The following CNTN5 variants were observed in gnomAD, a reference collection of about 807,000 sequenced individuals.
The protein encoded by CNTN5 is contactin-5.
A neutral mutation model predicts 129.1 loss-of-function variants in CNTN5; 77 were observed. That is an observed-to-expected ratio of 0.60 (90% CI 0.50 to 0.72). The LOEUF is 0.72. Among genes scored for constraint, CNTN5 ranks in the 30% least tolerant of loss-of-function variants. The pLI, the probability that CNTN5 is intolerant of heterozygous loss-of-function variation, is 0.00. For synonymous variants in CNTN5, 509 were observed against 465.6 expected (o/e 1.09, Z -1.20); for missense variants, 1,478 against 1,328.8 (o/e 1.11, Z -1.75).
At chr11:99,483,295 C>G (rs1352584227) in intron 2 of CNTN5, among the ~76,000 whole-genome samples, 2 of 150,872 alleles carry the variant, frequency 1.3e-5, no homozygotes, top group African/African-American at 2.4e-5. Flanking sequence ...TGACCTTTGA[C>G]TTGGGGTTTT....
At chr11:99,637,607 C>T (rs953276083) in intron 3 of CNTN5, among the ~76,000 whole-genome samples, 1 of 151,842 alleles carries the variant, frequency 6.6e-6, no homozygotes, top group African/African-American at 2.4e-5. Flanking sequence ...AGGAAATGGG[C>T]ATTTCTCATA....
At chr11:100,079,420 A>T (rs1011959458) in intron 13 of CNTN5, among the ~76,000 whole-genome samples, 1 of 152,098 alleles carries the variant, frequency 6.6e-6, no homozygotes, top group East Asian at 1.9e-4. Context: ...ATGTCCGCAA[A>T]TCACTATTCT....
intron 3 of CNTN5, among the ~76,000 whole-genome samples, chr11:99,620,329 C>G (rs1950901869): frequency 6.7e-6 from 1 of 148,576 alleles, no homozygotes; most frequent in Non-Finnish European, 1.5e-5. Flanking sequence ...TCTAAATGTA[C>G]ATTTAAAAAT....
At chr11:99,834,874 A>G (rs1947253951) in intron 4 of CNTN5, among the ~76,000 whole-genome samples, 1 of 152,246 alleles carries the variant, frequency 6.6e-6, no homozygotes, top group African/African-American at 2.4e-5. Flanking sequence ...ATGCTACTCT[A>G]GATGACTGCC....
chr11:99,267,099 A>G (rs946560166), intron 1 of CNTN5, among the ~76,000 whole-genome samples: 1 of 152,042 alleles, frequency 6.6e-6, no homozygotes. Flanking sequence ...TGGTAATAAC[A>G]TGGAGAAGAA....
intron 13 of CNTN5, among the ~76,000 whole-genome samples, chr11:100,130,320 G>A (rs913934559): frequency 2.0e-5 from 3 of 152,046 alleles, no homozygotes; most frequent in African/African-American, 7.2e-5. Flanking sequence ...TGTGCTAGAC[G>A]CTATGTTAGG....
intron 7 of CNTN5, among the ~76,000 whole-genome samples, chr11:99,938,344 G>T (rs1199687785): frequency 6.6e-6 from 1 of 151,996 alleles, no homozygotes; most frequent in African/African-American, 2.4e-5. Flanking sequence ...TAATATTATT[G>T]CAAATAATAG....
At chr11:100,085,746 A>C (rs1591209219) in intron 13 of CNTN5, among the ~76,000 whole-genome samples, 1 of 152,130 alleles carries the variant, frequency 6.6e-6, no homozygotes, top group East Asian at 1.9e-4. Context: ...GCCTAAGCAC[A>C]CACACTCGTA....
chr11:100,252,819 G>C (rs1283209717), intron 16 of CNTN5, among the ~76,000 whole-genome samples: 4 of 152,090 alleles, frequency 2.6e-5, no homozygotes, highest in African/African-American at 9.7e-5. Flanking sequence ...TTCACAGAAT[G>C]GCAATTTCCA....
At chr11:99,902,762 C>G (rs1480607386) in intron 6 of CNTN5, among the ~76,000 whole-genome samples, 2 of 152,050 alleles carry the variant, frequency 1.3e-5, no homozygotes, top group Non-Finnish European at 2.9e-5. Context: ...TGAATCCTTC[C>G]TTAAACTTGA....
intron 1 of CNTN5, among the ~76,000 whole-genome samples, chr11:99,267,958 A>G (rs1361402483): frequency 7.0e-6 from 1 of 141,950 alleles, no homozygotes; most frequent in African/African-American, 2.7e-5. Flanking sequence ...ACACACACAC[A>G]TTATACAAAG....
chr11:99,036,754 A>G (rs564708022), intron 1 of CNTN5, among the ~76,000 whole-genome samples: 22 of 152,258 alleles, frequency 1.4e-4, no homozygotes, highest in African/African-American at 4.8e-4. Flanking sequence ...TGCTTGTTCT[A>G]TGCCTAACAG....
chr11:99,355,717 CTA>C (rs1938598723), intron 2 of CNTN5, among the ~76,000 whole-genome samples: 1 of 151,810 alleles, frequency 6.6e-6, no homozygotes, highest in Admixed American at 6.6e-5. Context: ...CCTAAGTCTC[CTA>C]TGTTATGGGT....
chr11:99,720,649 A>G (rs1260653220), intron 3 of CNTN5, among the ~76,000 whole-genome samples: 3 of 152,012 alleles, frequency 2.0e-5, no homozygotes, highest in African/African-American at 7.2e-5. Flanking sequence ...GACATCCTAG[A>G]CAGATCAATC....
intron 9 of CNTN5, among the ~76,000 whole-genome samples, chr11:100,007,689 C>T (rs550791301): frequency 2.6e-5 from 4 of 152,170 alleles, no homozygotes; most frequent in African/African-American, 9.6e-5. Context: ...TTGATCTACC[C>T]AGACCATTAA....
chr11:100,118,515 A>G (rs1945913514), intron 13 of CNTN5, among the ~76,000 whole-genome samples: 1 of 151,980 alleles, frequency 6.6e-6, no homozygotes, highest in Admixed American at 6.6e-5. Context: ...ACTATTCAAT[A>G]ACAAGTAATT....
chr11:99,667,835 A>C (rs963626551), intron 3 of CNTN5, among the ~76,000 whole-genome samples: 2 of 152,122 alleles, frequency 1.3e-5, no homozygotes, highest in Non-Finnish European at 2.9e-5. Context: ...GGATGGGTCA[A>C]TAGGTGTAGC....
chr11:99,776,658 T>G (rs1255033385), intron 3 of CNTN5, among the ~76,000 whole-genome samples: 2 of 151,756 alleles, frequency 1.3e-5, no homozygotes, highest in South Asian at 2.1e-4. Flanking sequence ...TTTTCAACTT[T>G]CAATGGCCTA....
At chr11:99,549,830 G>T (rs1284428073) in intron 2 of CNTN5, among the ~76,000 whole-genome samples, 1 of 152,054 alleles carries the variant, frequency 6.6e-6, no homozygotes, top group East Asian at 1.9e-4. Context: ...TCTGGCATCA[G>T]ATTCTAGAGT....
Sources: gnomAD v4.1 joint callset for allele counts (sites outside exome capture counted in the v4.1 genomes callset) on GRCh38, gnomAD v4.1.1 for gene constraint, MANE v1.5 for transcripts, NCBI Gene and HGNC (gene_info 2026-07-23, HGNC 2026-07-21) for gene names.